The following CRACR2A variants were observed in gnomAD, a reference collection of about 807,000 sequenced individuals.
CRACR2A encodes the protein EF-hand calcium-binding domain-containing protein 4B.
CRACR2A carries 79 observed loss-of-function variants against 90.5 expected under a neutral mutation model. That is an observed-to-expected ratio of 0.87 (90% CI 0.73 to 1.05). The LOEUF (loss-of-function observed/expected upper bound fraction) is 1.05, where lower values mean the gene tolerates loss of function less well. CRACR2A is among the 50% of genes least tolerant of loss of function. The probability of loss-of-function intolerance (pLI) is 0.00; values close to 1 mark genes in which losing one functional copy is unlikely to be tolerated. For synonymous variants in CRACR2A, 338 were observed against 356.7 expected (o/e 0.95, Z 0.59); for missense variants, 823 against 897.2 (o/e 0.92, Z 1.06).
At chr12:3,739,163 CAAA>C (rs1302677867) in intron 1 of CRACR2A, among the ~76,000 whole-genome samples, 2 of 152,042 alleles carry the variant, frequency 1.3e-5, no homozygotes. Context: ...AAATGAAAAA[CAAA>C]GAAGCTGAAA....
intron 1 of CRACR2A, among the ~76,000 whole-genome samples, chr12:3,747,029 A>G (rs1212330406): frequency 6.6e-6 from 1 of 152,244 alleles, no homozygotes; most frequent in East Asian, 1.9e-4. Flanking sequence ...AGAGAAGAGA[A>G]ACTCAGGTTT....
intron 4 of CRACR2A, among the ~76,000 whole-genome samples, chr12:3,681,893 A>G (rs1468804203): frequency 6.6e-6 from 1 of 152,214 alleles, no homozygotes; most frequent in Admixed American, 6.5e-5. Flanking sequence ...TGTGGAAGCC[A>G]TTTAGAAGAA....
At chr12:3,657,743 G>A (rs547036638) in intron 8 of CRACR2A, among the ~76,000 whole-genome samples, 1 of 152,250 alleles carries the variant, frequency 6.6e-6, no homozygotes, top group African/African-American at 2.4e-5. Flanking sequence ...TGGGAGCAGC[G>A]AGCGGCTCCA....
chr12:3,682,983 A>T (rs1464008888), intron 4 of CRACR2A, among the ~76,000 whole-genome samples: 2 of 152,122 alleles, frequency 1.3e-5, no homozygotes, highest in African/African-American at 4.8e-5. Flanking sequence ...GGGTTTCACC[A>T]TCTTGGCCAG....
rs536422903 is a variant in CRACR2A, at chr12:3,669,600, T to C, written c.671+3846A>G. On this transcript the variant is annotated intron_variant, in intron 7 of 19. Transcript: ENST00000440314. Reference sequence around the variant, plus strand: ...TCCTTTCCTGCTCCTATTTCTGATATGCAGGTTAAAAAAAATTCATGGCTG... The same window carrying C: ...TCCTTTCCTGCTCCTATTTCTGATACGCAGGTTAAAAAAAATTCATGGCTG... Among the ~76,000 whole-genome samples the C allele has an allele frequency of 2.2e-4, 33 of 152,320 alleles. No individual in the cohort carries two copies. In the East Asian group the frequency reaches 4.6e-3, roughly 21 times the overall value.
intron 1 of CRACR2A, among the ~76,000 whole-genome samples, chr12:3,740,111 G>C (rs1946503054): frequency 6.6e-6 from 1 of 151,874 alleles, no homozygotes; most frequent in Admixed American, 6.6e-5. Flanking sequence ...TCACATCCTT[G>C]CCCAGGGCTC....
intron 1 of CRACR2A, among the ~76,000 whole-genome samples, chr12:3,749,835 G>A (rs1293568339): frequency 1.5e-5 from 2 of 135,654 alleles, no homozygotes; most frequent in East Asian, 2.1e-4. Context: ...GTGTGTGTGT[G>A]TGTGTGTTGT....
At position 3,720,911 on chromosome 12, in the gene CRACR2A, G is replaced by A. The variant is rs185597890; in HGVS notation, c.-117-7594C>T. Among the ~76,000 whole-genome samples the A allele has an allele frequency of 9.8e-5, 15 of 152,342 alleles. No individual in the cohort carries two copies. In the East Asian group the frequency reaches 2.9e-3, roughly 29 times the overall value. ...TAAAGCAAGACAAAGTCGAATCATG[G>A]TGGGCAGAGCTGCTTTCCAACACAA... is the stretch of plus-strand genomic sequence containing the variant. On this transcript the variant is annotated intron_variant, in intron 2 of 19. Coordinates refer to ENST00000440314, the MANE Select transcript of CRACR2A (RefSeq NM_001144958.2).
At chr12:3,643,322 C>CAT (rs757946094) in intron 12 of CRACR2A, among the ~76,000 whole-genome samples, 2 of 152,262 alleles carry the variant, frequency 1.3e-5, no homozygotes, top group Non-Finnish European at 2.9e-5. Context: ...TTCTGCTGAC[C>CAT]ATATCTAGGT....
intron 2 of CRACR2A, among the ~76,000 whole-genome samples, chr12:3,717,743 T>C (rs1946101902): frequency 6.6e-6 from 1 of 152,238 alleles, no homozygotes; most frequent in South Asian, 2.1e-4. Context: ...TGCCAGCAGT[T>C]ATGGATCCTG....
At chr12:3,703,612 T>C (rs78711287) in intron 3 of CRACR2A, among the ~76,000 whole-genome samples, 4,215 of 152,302 alleles carry the variant, frequency 0.028, 209 homozygotes, top group African/African-American at 0.096. Context: ...CTTTGAAAGA[T>C]ACAATTTAAG....
At chr12:3,630,706 C>T (rs1003368292) in intron 15 of CRACR2A, among the ~76,000 whole-genome samples, 8 of 152,212 alleles carry the variant, frequency 5.3e-5, no homozygotes, top group African/African-American at 1.2e-4. Flanking sequence ...TTCCAAACCT[C>T]GCATTCTGCT....
intron 2 of CRACR2A, among the ~76,000 whole-genome samples, chr12:3,720,419 GA>G (rs1235394435): frequency 1.3e-5 from 1 of 74,372 alleles, no homozygotes; most frequent in African/African-American, 5.3e-5. Flanking sequence ...GAGAGAGGAA[GA>G]AAGAAAGAAA....
In CRACR2A at chr12:3,653,195, C is replaced by G. The variant is rs185754718; in HGVS notation, c.1046+1017G>C. ...ATGGGGTTTCACCGTGTTGGTCAGG[C>G]TGGTCTTGAACTCCTGACCTTGTAA... On this transcript the variant is annotated intron_variant, in intron 10 of 19. Coordinates refer to ENST00000440314, the MANE Select transcript of CRACR2A (RefSeq NM_001144958.2). Among the ~76,000 whole-genome samples, 12 of 152,066 alleles carry G rather than the reference C, an allele frequency of 7.9e-5. No individual in the cohort carries two copies. In the South Asian group the frequency reaches 2.3e-3, roughly 29 times the overall value.
At chr12:3,735,051 G>A (rs1263764054) in intron 1 of CRACR2A, among the ~76,000 whole-genome samples, 1 of 150,732 alleles carries the variant, frequency 6.6e-6, no homozygotes, top group East Asian at 1.9e-4. Flanking sequence ...ACTAGGTGGG[G>A]TGATGAATGT....
intron 4 of CRACR2A, among the ~76,000 whole-genome samples, chr12:3,689,339 T>C (rs997520024): frequency 5.3e-5 from 8 of 152,354 alleles, no homozygotes; most frequent in Non-Finnish European, 8.8e-5. Flanking sequence ...TTGCCATAGA[T>C]GGCTCTTATT....
Position 3,654,369 on chromosome 12 carries a change from C to T in CRACR2A, c.889G>A (p.Asp297Asn). 6.2e-7 allele frequency: 1 copy of T among 1,612,992 alleles called. No individual in the cohort carries two copies. ...LEGQCTALHH[D>N]KHETKAENTK... is the part of the protein sequence containing the mutation. Reference sequence around the variant, plus strand: ...TTCTCAGCCTTGGTCTCATGCTTGTCATGATGCAGGGCTGTGCACTGACCT... The same window carrying T: ...TTCTCAGCCTTGGTCTCATGCTTGTTATGATGCAGGGCTGTGCACTGACCT... Residue 297 changes from aspartate to asparagine, a missense_variant, in exon 10 of 20, where the codon GAC (aspartate) becomes AAC (asparagine). Physicochemically the swap from Asp to Asn is conservative, Grantham distance 23. Transcript: ENST00000440314.
chr12:3,689,153 C>T (rs183762502), intron 4 of CRACR2A, among the ~76,000 whole-genome samples: 1 of 152,302 alleles, frequency 6.6e-6, no homozygotes, highest in Non-Finnish European at 1.5e-5. Flanking sequence ...GATAGCTTGA[C>T]TTCCTCTCTT....
At chr12:3,703,536 C>A (rs1672274838) in intron 3 of CRACR2A, among the ~76,000 whole-genome samples, 1 of 152,034 alleles carries the variant, frequency 6.6e-6, no homozygotes, top group South Asian at 2.1e-4. Context: ...GGTATAACAA[C>A]AAAAGTGCAA....
Sources: allele counts gnomAD v4.1 joint callset (sites outside exome capture counted in the v4.1 genomes callset), GRCh38; gene constraint gnomAD v4.1.1; transcripts MANE v1.5; gene names NCBI Gene and HGNC (gene_info 2026-07-23, HGNC 2026-07-21).